The following SRGAP1 variants were observed in gnomAD, a reference collection of about 807,000 sequenced individuals.
The protein encoded by SRGAP1 is SLIT-ROBO Rho GTPase activating protein 1.
SRGAP1 carries 43 observed loss-of-function variants against 121.9 expected under a neutral mutation model. The ratio of observed to expected loss-of-function variants is 0.35; its 90% confidence interval spans 0.28 to 0.46. SRGAP1 has a LOEUF of 0.46. SRGAP1 is among the 20% of genes least tolerant of loss of function. The pLI is 1.00. For synonymous variants in SRGAP1, 447 were observed against 485.4 expected, an observed-to-expected ratio of 0.92 and a Z score of 1.04; for missense variants, 1,102 against 1,350.9, an observed-to-expected ratio of 0.82 and a Z score of 2.89.
At position 63,954,688 on chromosome 12, in the gene SRGAP1, A is replaced by AAAAAG. The variant is rs1555244918; in HGVS notation, c.68-29249_68-29245dup. 8.2e-3 allele frequency among the ~76,000 whole-genome samples: 1,047 copies of AAAAAG among 128,010 alleles called. 9 individuals are homozygous for AAAAAG. The highest frequency in any genetic ancestry group is 0.011 in the South Asian group (43 of 3,966). The allele number at this position is 128,010 out of a possible 152,430, so 84.0% of individuals were successfully genotyped here. A position where few individuals can be genotyped will look rare whatever the true frequency, so the allele number is the denominator to read the frequency against. ...GCGAGACTCCATCTCAAAAAAAAAA[A>AAAAAG]AAAAGAAAAGAAAAAGCAGTGTGAG... On this transcript the variant is annotated intron_variant, in intron 1 of 21. Coordinates refer to ENST00000355086, the MANE Select transcript of SRGAP1 (RefSeq NM_020762.4).
rs370456206 is a variant in SRGAP1, at chr12:64,142,279, G to A, written c.2881-16G>A. The A allele has an allele frequency of 3.2e-5, 51 of 1,605,854 alleles. No individual in the cohort carries two copies. Among genetic ancestry groups the A allele is most frequent in the African/African-American group, 2.0e-4 (15 of 74,462 alleles). ...ATCAGTCTGTGCTTTCTCTCTTTCCGATTATTCTTCAATAGGATATTGAAG... is the reference window on the plus strand; with the variant it reads ...ATCAGTCTGTGCTTTCTCTCTTTCCAATTATTCTTCAATAGGATATTGAAG... On this transcript the variant is annotated splice_polypyrimidine_tract_variant and intron_variant, in intron 21 of 21. Coordinates refer to ENST00000355086, the MANE Select transcript of SRGAP1 (RefSeq NM_020762.4).
At chr12:64,123,728 C>T (rs150754537) in intron 18 of SRGAP1, among the ~76,000 whole-genome samples, 261 of 151,782 alleles carry the variant, frequency 1.7e-3, no homozygotes, top group African/African-American at 6.0e-3. Context: ...AGACTGGTCT[C>T]CAACTCCTGG....
chr12:63,865,563 C>T (rs749679983), intron 1 of SRGAP1, among the ~76,000 whole-genome samples: 46 of 152,094 alleles, frequency 3.0e-4, no homozygotes, highest in Non-Finnish European at 5.9e-4. Context: ...AAGTGTTTTC[C>T]CTGCAAAAAG....
intron 8 of SRGAP1, among the ~76,000 whole-genome samples, chr12:64,069,386 TA>T (rs1222735101): frequency 6.6e-6 from 1 of 152,228 alleles, no homozygotes; most frequent in Non-Finnish European, 1.5e-5. Flanking sequence ...TTGTGACATT[TA>T]TTGTCACTTC....
chr12:63,845,001 G>T, intron 1 of SRGAP1, 118 bp downstream of exon 1: 1 of 1,043,704 alleles, frequency 9.6e-7, no homozygotes, highest in Non-Finnish European at 1.5e-6. Flanking sequence ...GACAGCTCGA[G>T]CCCTGTCTGA....
Position 63,880,833 on chromosome 12 carries a change from G to A in SRGAP1, c.67+35950G>A, listed in dbSNP as rs75305507. 4.3e-3 allele frequency among the ~76,000 whole-genome samples: 650 copies of A among 152,264 alleles called. 8 individuals are homozygous for A. The highest frequency in any genetic ancestry group is 0.015 in the African/African-American group (622 of 41,536). On this transcript the variant is annotated intron_variant, in intron 1 of 21. Coordinates refer to ENST00000355086, the MANE Select transcript of SRGAP1 (RefSeq NM_020762.4). ...TATTTTATTCTCTTCTTGCCTCCCT[G>A]GCTCCTGGCAGACCCTAGATGTACC...
At chr12:64,047,989 C>T (rs2035167743) in intron 6 of SRGAP1, among the ~76,000 whole-genome samples, 1 of 151,978 alleles carries the variant, frequency 6.6e-6, no homozygotes, top group African/African-American at 2.4e-5. Flanking sequence ...ACAGACATTC[C>T]AATTATATGT....
At chr12:64,106,598 A>C (rs2136608857) in intron 15 of SRGAP1, among the ~76,000 whole-genome samples, 1 of 152,304 alleles carries the variant, frequency 6.6e-6, no homozygotes, top group African/African-American at 2.4e-5. Context: ...TAAACAGCTT[A>C]CTCTGGGACA....
At chr12:64,076,145 A>G (rs998477206) in intron 8 of SRGAP1, among the ~76,000 whole-genome samples, 3 of 152,236 alleles carry the variant, frequency 2.0e-5, no homozygotes, top group Non-Finnish European at 4.4e-5. Flanking sequence ...GTTTGGGAAA[A>G]TAAACATTCT....
At chr12:63,868,073 T>G (rs12315346) in intron 1 of SRGAP1, among the ~76,000 whole-genome samples, 2,856 of 100,780 alleles carry the variant, frequency 0.028, 28 homozygotes, top group South Asian at 0.039. Context: ...TTTTTTTTTT[T>G]TTTTTGTTTT....
In SRGAP1 at chr12:63,996,243, A is replaced by G. The variant is rs563460873; in HGVS notation, c.426+6171A>G. Among the ~76,000 whole-genome samples, 326 of 152,202 alleles carry G rather than the reference A, an allele frequency of 2.1e-3. 2 individuals carry two copies. Among genetic ancestry groups the G allele is most frequent in the African/African-American group, 7.5e-3 (313 of 41,552 alleles). On this transcript the variant is annotated intron_variant, in intron 3 of 21. Transcript: ENST00000355086. Reference sequence around the variant, plus strand: ...TCACTATTTATATGTGTATACATATACTTAAATATATATGTGTATATTTTA... The same window carrying G: ...TCACTATTTATATGTGTATACATATGCTTAAATATATATGTGTATATTTTA...
chr12:64,005,710 ATCTACTATTATAAT>A (rs2034059067), intron 3 of SRGAP1, among the ~76,000 whole-genome samples: 1 of 152,132 alleles, frequency 6.6e-6, no homozygotes, highest in African/African-American at 2.4e-5. Context: ...GATTGCACAG[ATCTACTATTATAAT>A]CAGCTTTTAT....
intron 6 of SRGAP1, among the ~76,000 whole-genome samples, chr12:64,055,557 G>A (rs2035324665): frequency 6.6e-6 from 1 of 151,036 alleles, no homozygotes. Context: ...TCAATCCTAA[G>A]CCAAAAGAAC....
At chr12:63,862,822 C>G (rs368596721) in intron 1 of SRGAP1, among the ~76,000 whole-genome samples, 7 of 152,278 alleles carry the variant, frequency 4.6e-5, no homozygotes, top group African/African-American at 1.7e-4. Context: ...ATATTGATTA[C>G]CACAGTTCAA....
intron 1 of SRGAP1, among the ~76,000 whole-genome samples, chr12:63,904,315 A>G (rs1480232788): frequency 6.6e-6 from 1 of 152,158 alleles, no homozygotes; most frequent in Non-Finnish European, 1.5e-5. Flanking sequence ...GTTCACAGTG[A>G]TGTGAACAGA....
rs1898839554 is a variant in SRGAP1 at position 63,844,723 on chromosome 12, C to T, written c.-94C>T. On this transcript the variant is annotated 5_prime_UTR_variant, in exon 1 of 22. Coordinates refer to ENST00000355086, the MANE Select transcript of SRGAP1 (RefSeq NM_020762.4). The surrounding 1 kb of genome is among the most constrained non-coding windows in gnomAD (Gnocchi z 4.3). Reference sequence around the variant, plus strand: ...GTCGGCGCTGCCTCTGGATTGCCTGCGTGTGGGAGTACAACTCTGCCTCTC... The same window carrying T: ...GTCGGCGCTGCCTCTGGATTGCCTGTGTGTGGGAGTACAACTCTGCCTCTC... 2 of 1,231,018 alleles carry T rather than the reference C, an allele frequency of 1.6e-6. No individual in the cohort carries two copies. Among genetic ancestry groups the T allele is most frequent in the Non-Finnish European group, 2.4e-6 (2 of 830,430 alleles). 76.3% of individuals were successfully genotyped at this position (1,231,018 alleles called of 1,614,324 possible).
At chr12:63,902,667 GTTAAC>G (rs1355992318) in intron 1 of SRGAP1, among the ~76,000 whole-genome samples, 1 of 152,198 alleles carries the variant, frequency 6.6e-6, no homozygotes, top group Non-Finnish European at 1.5e-5. Context: ...TCAGTTTGCA[GTTAAC>G]TTAATTCTAA....
At chr12:63,897,492 G>GA (rs1182196581) in intron 1 of SRGAP1, among the ~76,000 whole-genome samples, 2 of 152,110 alleles carry the variant, frequency 1.3e-5, no homozygotes, top group Non-Finnish European at 2.9e-5. Context: ...GTTCATCAAT[G>GA]AAATTTGTGT....
Position 64,154,784 on chromosome 12 carries a change from C to T in SRGAP1, c.*12112C>T, listed in dbSNP as rs1303898428. ...AAATTTGATATTTAAAGCTATGGGA[C>T]TCCCGGAAAGAGAAAGAGAAAGGAA... On this transcript the variant is annotated 3_prime_UTR_variant, in exon 22 of 22. Coordinates refer to ENST00000355086, the MANE Select transcript of SRGAP1 (RefSeq NM_020762.4). 6.6e-6 allele frequency: 1 copy of T among 151,984 alleles called. No individual in the cohort carries two copies. The highest frequency in any genetic ancestry group is 6.6e-5 in the Admixed American group (1 of 15,258). 9.4% of individuals were successfully genotyped at this position (151,984 alleles called of 1,614,324 possible).
Sources: allele counts gnomAD v4.1 joint callset (sites outside exome capture counted in the v4.1 genomes callset), GRCh38; gene constraint gnomAD v4.1.1; non-coding constraint Gnocchi (gnomAD v3.1); transcripts MANE v1.5; gene names NCBI Gene and HGNC (gene_info 2026-07-23, HGNC 2026-07-21).